ME3: variants seen among roughly 807,000 people sequenced by gnomAD.
The protein encoded by ME3 is NADP-dependent malic enzyme, mitochondrial.
Under a neutral mutation model 68.9 loss-of-function variants are expected in ME3, and 48 were observed. That is an observed-to-expected ratio of 0.70 (90% CI 0.55 to 0.89). ME3 has a LOEUF of 0.89. Among genes scored for constraint, ME3 ranks in the 40% least tolerant of loss-of-function variants. ME3 has a pLI of 0.00. For missense variants in ME3, 675 were observed against 797.4 expected (o/e 0.85, Z 1.85); for synonymous variants, 320 against 318.8 (o/e 1.00, Z -0.04).
chr11:86,499,837 C>T (rs191255761), intron 5 of ME3, among the ~76,000 whole-genome samples: 1 of 152,294 alleles, frequency 6.6e-6, no homozygotes, highest in Non-Finnish European at 1.5e-5. Flanking sequence ...CACCGGTGAG[C>T]AAACAGAAGC....
At chr11:86,476,138 C>T (rs764101332) in intron 7 of ME3, among the ~76,000 whole-genome samples, 1 of 152,154 alleles carries the variant, frequency 6.6e-6, no homozygotes, top group Non-Finnish European at 1.5e-5. Flanking sequence ...TACAGAACCT[C>T]AGCTAAGCTT....
At chr11:86,501,615 TCCCA>T (rs1181735073) in intron 5 of ME3, among the ~76,000 whole-genome samples, 1 of 152,130 alleles carries the variant, frequency 6.6e-6, no homozygotes, top group Non-Finnish European at 1.5e-5. Flanking sequence ...TCTTCCCAAT[TCCCA>T]CAAGTCCCTA....
At chr11:86,475,872 TATAGAGAGAGAGAG>T (rs1412783827) in intron 7 of ME3, among the ~76,000 whole-genome samples, 1 of 103,728 alleles carries the variant, frequency 9.6e-6, no homozygotes, top group Non-Finnish European at 1.9e-5. Context: ...TATATATATA[TATAGAGAGAGAGAG>T]AGAGAGAGAG....
chr11:86,608,633 C>G (rs2135177213), intron 2 of ME3, among the ~76,000 whole-genome samples: 1 of 152,204 alleles, frequency 6.6e-6, no homozygotes, highest in South Asian at 2.1e-4. Context: ...AGAGGGCAGT[C>G]AAGATGAATA....
intron 2 of ME3, among the ~76,000 whole-genome samples, chr11:86,592,284 A>G (rs4382935): frequency 0.38 from 57,117 of 152,090 alleles, 13,195 homozygotes; most frequent in Non-Finnish European, 0.51. Context: ...GCACCAGACA[A>G]TTGCTTCACA....
chr11:86,582,759 T>TC (rs201617091), intron 2 of ME3, among the ~76,000 whole-genome samples: 1,561 of 152,110 alleles, frequency 0.01, 13 homozygotes, highest in Non-Finnish European at 0.017. Flanking sequence ...GAGATCTCTT[T>TC]CCCCCTAGAA....
At chr11:86,595,833 C>G (rs917042113) in intron 2 of ME3, among the ~76,000 whole-genome samples, 1 of 152,218 alleles carries the variant, frequency 6.6e-6, no homozygotes, top group East Asian at 1.9e-4. Context: ...CAGAAGCTCC[C>G]AGGTATGCTG....
At chr11:86,590,080 C>T (rs542556245) in intron 2 of ME3, among the ~76,000 whole-genome samples, 53 of 152,254 alleles carry the variant, frequency 3.5e-4, no homozygotes, top group Non-Finnish European at 6.5e-4. Context: ...ACTTGGCCCA[C>T]GGAGGACTAA....
chr11:86,507,482 T>C (rs1953172201), intron 5 of ME3, among the ~76,000 whole-genome samples: 2 of 120,646 alleles, frequency 1.7e-5, no homozygotes, highest in South Asian at 6.1e-4. Flanking sequence ...CACCAACCCC[T>C]CCCCAGCTCA....
intron 4 of ME3, among the ~76,000 whole-genome samples, chr11:86,530,586 T>C (rs922674156): frequency 1.4e-3 from 219 of 152,324 alleles, no homozygotes; most frequent in African/African-American, 4.6e-3. Flanking sequence ...TCACGCTACC[T>C]GACTTCAAAC....
intron 2 of ME3, among the ~76,000 whole-genome samples, chr11:86,605,850 T>A (rs1047695708): frequency 1.3e-5 from 2 of 152,094 alleles, no homozygotes; most frequent in Non-Finnish European, 2.9e-5. Context: ...CACCAGTTTT[T>A]TTTCCACTTT....
downstream of ME3, among the ~76,000 whole-genome samples, chr11:86,437,858 A>AGAATGAATGAATGAATGAAT (rs142909162): frequency 8.1e-4 from 122 of 150,922 alleles, no homozygotes; most frequent in African/African-American, 2.4e-3. Context: ...GAGGAGAGAG[A>AGAATGAATGAATGAATGAAT]GAATGAATGA....
chr11:86,530,954 T>C (rs373157528), intron 4 of ME3, among the ~76,000 whole-genome samples: 126 of 152,174 alleles, frequency 8.3e-4, no homozygotes, highest in Non-Finnish European at 1.2e-3. Flanking sequence ...ACTTCATGTC[T>C]AAAACACCAA....
chr11:86,514,971 CA>C (rs1196168565), intron 4 of ME3, among the ~76,000 whole-genome samples: 1 of 152,110 alleles, frequency 6.6e-6, no homozygotes, highest in African/African-American at 2.4e-5. Context: ...TAAATAATTA[CA>C]AATTAGTGTT....
At chr11:86,579,150 G>C (rs140404364) in intron 2 of ME3, among the ~76,000 whole-genome samples, 9 of 152,282 alleles carry the variant, frequency 5.9e-5, no homozygotes, top group African/African-American at 2.2e-4. Context: ...CCTTCACTGA[G>C]TTTCAGTCTA....
At chr11:86,622,569 A>G (rs1359575770) in intron 2 of ME3, among the ~76,000 whole-genome samples, 1 of 152,002 alleles carries the variant, frequency 6.6e-6, no homozygotes, top group Non-Finnish European at 1.5e-5. Context: ...ACAACTGAAA[A>G]ACACTGAGAC....
chr11:86,665,912 T>A (rs1489604598), intron 2 of ME3, among the ~76,000 whole-genome samples: 1 of 152,136 alleles, frequency 6.6e-6, no homozygotes, highest in Non-Finnish European at 1.5e-5. Flanking sequence ...GACTGGAAAT[T>A]GGGAGATTAA....
chr11:86,529,764 T>C (rs2139257165), intron 4 of ME3, among the ~76,000 whole-genome samples: 1 of 152,316 alleles, frequency 6.6e-6, no homozygotes, highest in South Asian at 2.1e-4. Context: ...AACCACATGA[T>C]TATCTCAATA....
At chr11:86,645,036 C>T (rs1944909730) in intron 2 of ME3, among the ~76,000 whole-genome samples, 1 of 152,224 alleles carries the variant, frequency 6.6e-6, no homozygotes, top group South Asian at 2.1e-4. Flanking sequence ...GGCCCAGATA[C>T]TACGCTTTTC....
Sources: gnomAD v4.1 joint callset for allele counts (sites outside exome capture counted in the v4.1 genomes callset) on GRCh38, gnomAD v4.1.1 for gene constraint, MANE v1.5 for transcripts, NCBI Gene and HGNC (gene_info 2026-07-23, HGNC 2026-07-21) for gene names.